PIK3R5: variants seen among roughly 807,000 people sequenced by gnomAD.
PIK3R5 encodes phosphoinositide 3-kinase regulatory subunit 5.
Under a neutral mutation model 94.9 loss-of-function variants are expected in PIK3R5, and 32 were observed. The ratio of observed to expected loss-of-function variants is 0.34; its 90% CI spans 0.25 to 0.45. The LOEUF is 0.45. Among genes scored for constraint, PIK3R5 ranks in the 20% least tolerant of loss-of-function variants. The pLI, the probability that PIK3R5 is intolerant of heterozygous loss-of-function variation, is 1.00. For synonymous variants in PIK3R5, 443 were observed against 479.4 expected, an observed-to-expected ratio of 0.92 and a Z score of 0.99; for missense variants, 853 against 1,144.6, an observed-to-expected ratio of 0.75 and a Z score of 3.68.
intron 5 of PIK3R5, among the ~76,000 whole-genome samples, chr17:8,895,973 A>G (rs1295930785): frequency 6.6e-6 from 1 of 151,896 alleles, no homozygotes; most frequent in Non-Finnish European, 1.5e-5. Context: ...TTGGTAATGG[A>G]CCTCCCTGCT....
chr17:8,944,732 G>A (rs112572750), intron 1 of PIK3R5, among the ~76,000 whole-genome samples: 1,789 of 152,248 alleles, frequency 0.012, 42 homozygotes, highest in African/African-American at 0.041. Context: ...TGATCCTAAC[G>A]GAAGTACCAG....
rs147689865 is a variant in PIK3R5, at chr17:8,901,726, G to A, written c.412+3051C>T. Reference sequence around the variant, plus strand: ...TTAGTATTGGGGGGACTGCTTTTTCGCTCAACTAGTTATTCAACATCTTTT... The same window carrying A: ...TTAGTATTGGGGGGACTGCTTTTTCACTCAACTAGTTATTCAACATCTTTT... On this transcript the variant is annotated intron_variant, in intron 5 of 18. Transcript: ENST00000447110. Among the ~76,000 whole-genome samples, 323 of 152,212 alleles carry A rather than the reference G, an allele frequency of 2.1e-3. 11 individuals are homozygous for A. The highest frequency in any genetic ancestry group is 0.019 in the Admixed American group (297 of 15,294).
intron 5 of PIK3R5, among the ~76,000 whole-genome samples, chr17:8,903,840 A>G (rs1430125569): frequency 6.6e-6 from 1 of 152,244 alleles, no homozygotes; most frequent in African/African-American, 2.4e-5. Flanking sequence ...GTCTCGACAG[A>G]AAACCAATTG....
intron 1 of PIK3R5, among the ~76,000 whole-genome samples, chr17:8,939,920 A>T (rs999858406): frequency 1.3e-5 from 2 of 152,054 alleles, no homozygotes; most frequent in Admixed American, 6.6e-5. Flanking sequence ...AAATCTGCGT[A>T]TTTCTGGAAA....
rs1283966287 is a variant in PIK3R5, at chr17:8,892,009, A to G, written c.483-1097T>C. 2.0e-5 allele frequency among the ~76,000 whole-genome samples: 3 copies of G among 152,030 alleles called. No homozygotes were observed. The highest frequency in any genetic ancestry group is 4.8e-5 in the African/African-American group (2 of 41,432). ...ACGCACGGCTGTTCTCACTTCCCCC[A>G]TGCCAACCCCTCCATCACTGCATGA... On this transcript the variant is annotated intron_variant, in intron 6 of 18. Coordinates refer to ENST00000447110, the MANE Select transcript of PIK3R5 (RefSeq NM_001142633.3). This position sits in a 1 kb window ranked among gnomAD's most constrained non-coding sequence, Gnocchi z 4.3.
In PIK3R5 at chr17:8,962,038, C is replaced by T. The variant is rs114879189; in HGVS notation, c.-14+3558G>A. On this transcript the variant is annotated intron_variant, in intron 1 of 18. Coordinates refer to ENST00000447110, the MANE Select transcript of PIK3R5 (RefSeq NM_001142633.3). ...CCCAAATTGTGTTGTATGGGGCATGCGCTTGACACCCACAGGAACACCTAG... is the reference window on the plus strand; with the variant it reads ...CCCAAATTGTGTTGTATGGGGCATGTGCTTGACACCCACAGGAACACCTAG... 4.7e-3 allele frequency among the ~76,000 whole-genome samples: 712 copies of T among 152,328 alleles called. 9 individuals carry two copies. Among genetic ancestry groups the T allele is most frequent in the African/African-American group, 0.016 (673 of 41,564 alleles).
chr17:8,936,716 T>TCAACTTTGGA (rs2091084244), intron 1 of PIK3R5, among the ~76,000 whole-genome samples: 1 of 152,238 alleles, frequency 6.6e-6, no homozygotes, highest in Non-Finnish European at 1.5e-5. Flanking sequence ...ACTTTGTTCT[T>TCAACTTTGGA]CTTCAATGTT....
At chr17:8,952,627 T>C (rs1438710066) in intron 1 of PIK3R5, among the ~76,000 whole-genome samples, 1 of 152,234 alleles carries the variant, frequency 6.6e-6, no homozygotes, top group African/African-American at 2.4e-5. Context: ...GAGAGAGTAA[T>C]ATTTTTATAA....
At chr17:8,919,045 A>G (rs2090681375) in intron 1 of PIK3R5, among the ~76,000 whole-genome samples, 1 of 152,382 alleles carries the variant, frequency 6.6e-6, no homozygotes, top group African/African-American at 2.4e-5. Context: ...TGTTCAGGTC[A>G]TCAAAGATAA....
Position 8,878,989 on chromosome 17 carries a change from CATA to C in PIK3R5, c.*1647_*1649del, listed in dbSNP as rs1195326505. On this transcript the variant is annotated 3_prime_UTR_variant, in exon 19 of 19. Transcript: ENST00000447110. ...TTAGTTCCTGGACATCTGTTGATCA[CATA>C]ATAAGACAACCTGCCCATACAGCAA... is the stretch of plus-strand genomic sequence containing the variant. 1 of 152,094 alleles carries C rather than the reference CATA, an allele frequency of 6.6e-6. No individual in the cohort carries two copies. Among genetic ancestry groups the C allele is most frequent in the Non-Finnish European group, 1.5e-5 (1 of 68,022 alleles). The allele number at this position is 152,094 out of a possible 1,614,324, so 9.4% of individuals were successfully genotyped here.
At position 8,888,421 on chromosome 17, in the gene PIK3R5, C is replaced by T; in HGVS notation, c.1366G>A (p.Ala456Thr). ...TCCAGGGGGCTGCAGAGGCTCCCTG[C>T]CCGCCTCAGGGGCAGGGCCGTGTCC... ...SSDTALPLRR[A>T]GSLCSPLDEP... The change falls in exon 10 of 19, where the codon GCA becomes ACA. Residue 456 changes from alanine to threonine, a missense_variant. Physicochemically the swap from Ala to Thr is moderately conservative, Grantham distance 58. Around this residue, in one of 6 missense-constraint regions of PIK3R5, gnomAD observed 319 missense variants for 339.8 expected, o/e 0.94. Coordinates refer to ENST00000447110, the MANE Select transcript of PIK3R5 (RefSeq NM_001142633.3). This position sits in a 1 kb window ranked among gnomAD's most constrained non-coding sequence, Gnocchi z 7.8. 3 of 1,586,158 alleles carry T rather than the reference C, an allele frequency of 1.9e-6. No homozygotes were observed. Among genetic ancestry groups the T allele is most frequent in the Non-Finnish European group, 2.6e-6 (3 of 1,169,298 alleles).
intron 1 of PIK3R5, among the ~76,000 whole-genome samples, chr17:8,960,048 C>T (rs1302215005): frequency 6.6e-6 from 1 of 152,094 alleles, no homozygotes; most frequent in East Asian, 1.9e-4. Flanking sequence ...ATAAGCTGGA[C>T]CTTGGAATAC....
At chr17:8,950,467 T>C (rs1410869755) in intron 1 of PIK3R5, among the ~76,000 whole-genome samples, 2 of 152,032 alleles carry the variant, frequency 1.3e-5, no homozygotes. Context: ...CCACTGAGAG[T>C]CCACAATGTC....
chr17:8,887,968 T>G (rs1001000632), intron 10 of PIK3R5, among the ~76,000 whole-genome samples: 5 of 148,042 alleles, frequency 3.4e-5, no homozygotes, highest in African/African-American at 1.2e-4. Flanking sequence ...GCCACTGCAC[T>G]CCAGCCCGGG....
intron 2 of PIK3R5, among the ~76,000 whole-genome samples, chr17:8,910,366 C>T (rs2151413211): frequency 6.6e-6 from 1 of 152,284 alleles, no homozygotes; most frequent in African/African-American, 2.4e-5. Flanking sequence ...TCTCCCCAGC[C>T]CTATGAGCTT....
chr17:8,941,282 C>G (rs1469446895), intron 1 of PIK3R5, among the ~76,000 whole-genome samples: 1 of 152,066 alleles, frequency 6.6e-6, no homozygotes, highest in Non-Finnish European at 1.5e-5. Context: ...AGGTGACTCA[C>G]CAGCACATTT....
At chr17:8,908,651 C>A (rs1022660958) in intron 3 of PIK3R5, among the ~76,000 whole-genome samples, 2 of 152,072 alleles carry the variant, frequency 1.3e-5, no homozygotes, top group South Asian at 4.1e-4. Flanking sequence ...CCAAGCCCAG[C>A]TCAGCACTAA....
At position 8,946,773 on chromosome 17, in the gene PIK3R5, C is replaced by T. The variant is rs144206765; in HGVS notation, c.-14+18823G>A. On this transcript the variant is annotated intron_variant, in intron 1 of 18. Coordinates refer to ENST00000447110, the MANE Select transcript of PIK3R5 (RefSeq NM_001142633.3). ...CCTGCCTCAGGACCTTCGCGCCTGC[C>T]GTTCTCTCTGCCTGAGTGCTCTTCT... is the stretch of plus-strand genomic sequence containing the variant. Among the ~76,000 whole-genome samples, 655 of 152,144 alleles carry T rather than the reference C, an allele frequency of 4.3e-3. 1 individual carries two copies. The highest frequency in any genetic ancestry group is 0.015 in the African/African-American group (631 of 41,498).
intron 6 of PIK3R5, among the ~76,000 whole-genome samples, chr17:8,891,679 C>T (rs1218993776): frequency 2.0e-5 from 3 of 151,608 alleles, no homozygotes; most frequent in Admixed American, 6.6e-5. Flanking sequence ...TCACTGCAAG[C>T]CCCGCCTCCC....
Sources: gnomAD v4.1 joint callset for allele counts (sites outside exome capture counted in the v4.1 genomes callset) on GRCh38, gnomAD v4.1.1 for gene constraint, gnomAD v4.1.1 regional missense constraint, Gnocchi (gnomAD v3.1) non-coding constraint, MANE v1.5 for transcripts, NCBI Gene and HGNC (gene_info 2026-07-23, HGNC 2026-07-21) for gene names.